ETF1: variants seen among roughly 807,000 people sequenced by gnomAD.
ETF1 encodes the protein eukaryotic translation termination factor 1.
In ETF1, 4 loss-of-function variants were observed where a neutral mutation model predicts 55.1. The ratio of observed to expected loss-of-function variants is 0.07; its 90% CI spans 0.04 to 0.17. ETF1 has a LOEUF of 0.17. Among genes scored for constraint, ETF1 ranks in the 10% least tolerant of loss-of-function variants. The probability of loss-of-function intolerance (pLI) is 1.00; values close to 1 mark genes in which losing one functional copy is unlikely to be tolerated. For synonymous variants in ETF1, 157 were observed against 182.3 expected (o/e 0.86, Z 1.12); for missense variants, 142 against 523.6 (o/e 0.27, Z 7.11).
Position 138,508,394 on chromosome 5 carries a change from A to G in ETF1, c.1232-7T>C. On this transcript the variant is annotated splice_region_variant and splice_polypyrimidine_tract_variant and intron_variant, in intron 10 of 10. Transcript: ENST00000360541. The stretch of plus-strand genomic sequence containing the variant: ...ACTCGGTACCGCAAGATACCTGGGG[A>G]AACAAACCAAAAGGTAAATTACCTG... The G allele has an allele frequency of 6.2e-7, 1 of 1,613,652 alleles. No homozygotes were observed. Among genetic ancestry groups the G allele is most frequent in the Non-Finnish European group, 8.5e-7 (1 of 1,179,792 alleles).
At chr5:138,512,713 A>G in intron 6 of ETF1, 51 bp downstream of exon 6, 1 of 1,498,846 alleles carries the variant, frequency 6.7e-7, no homozygotes, top group Non-Finnish European at 8.9e-7. Context: ...CAGAGGACTC[A>G]CCTACTCCTA....
chr5:138,542,761 C>A lies in ETF1; in HGVS notation c.86+72G>T. ...GCCTGGTTCTCCTCATCCGGCCATGCGGCGCGGGGGCGTCCATCCTGAGGG... is the reference window on the plus strand; with the variant it reads ...GCCTGGTTCTCCTCATCCGGCCATGAGGCGCGGGGGCGTCCATCCTGAGGG... On this transcript the variant is annotated intron_variant, in intron 2 of 10. Coordinates refer to ENST00000360541, the MANE Select transcript of ETF1 (RefSeq NM_004730.4). The A allele has an allele frequency of 5.1e-6, 8 of 1,579,530 alleles. No individual in the cohort carries two copies. The South Asian group carries it at 9.1e-5, about 18-fold the overall frequency.
intron 2 of ETF1, among the ~76,000 whole-genome samples, chr5:138,532,058 TA>T (rs1261911775): frequency 4.1e-4 from 5 of 12,226 alleles, no homozygotes; most frequent in African/African-American, 8.1e-4. Context: ...AAAAATAAAA[TA>T]AAATAAATAA....
intron 2 of ETF1, among the ~76,000 whole-genome samples, chr5:138,539,798 A>C (rs1766099736): frequency 1.3e-5 from 2 of 152,208 alleles, no homozygotes; most frequent in South Asian, 4.1e-4. Context: ...ATTTTAAGGA[A>C]ATCTAGTTTT....
intron 2 of ETF1, among the ~76,000 whole-genome samples, chr5:138,537,404 C>A (rs1765981753): frequency 6.6e-6 from 1 of 152,126 alleles, no homozygotes; most frequent in Non-Finnish European, 1.5e-5. Context: ...AGTATTTTAA[C>A]CCATATTATC....
At chr5:138,539,918 C>G (rs571322920) in intron 2 of ETF1, among the ~76,000 whole-genome samples, 1 of 152,274 alleles carries the variant, frequency 6.6e-6, no homozygotes, top group Non-Finnish European at 1.5e-5. Flanking sequence ...GCCTCAGGTG[C>G]CTTGTCTACC....
rs531764562 is a variant in ETF1 at position 138,518,545 on chromosome 5, A to G, written c.262+147T>C. The G allele has an allele frequency of 1.1e-3, 717 of 680,026 alleles. 5 individuals carry two copies. The highest frequency in any genetic ancestry group is 5.1e-4 in the Non-Finnish European group (209 of 406,904). 42.1% of individuals were successfully genotyped at this position (680,026 alleles called of 1,614,324 possible). On this transcript the variant is annotated intron_variant, in intron 3 of 10. Coordinates refer to ENST00000360541, the MANE Select transcript of ETF1 (RefSeq NM_004730.4). ...CTTTCAATAAACAAAAAACAAAACA[A>G]AACAAAAAAGCTAACCACCAAGGCC...
intron 5 of ETF1, 76 bp downstream of exon 5, chr5:138,513,492 C>T (rs1001631892): frequency 1.5e-6 from 2 of 1,300,726 alleles, no homozygotes; most frequent in Admixed American, 1.7e-5. Flanking sequence ...GCGTGAGCCA[C>T]CGCACCCGGC....
At chr5:138,519,935 G>A (rs916115515) in intron 2 of ETF1, among the ~76,000 whole-genome samples, 2 of 149,792 alleles carry the variant, frequency 1.3e-5, no homozygotes, top group Admixed American at 6.7e-5. Flanking sequence ...GATTAATGAT[G>A]TTGAGCATTT....
chr5:138,535,788 T>A (rs1176901596), intron 2 of ETF1, among the ~76,000 whole-genome samples: 2 of 137,866 alleles, frequency 1.5e-5, no homozygotes, highest in African/African-American at 5.5e-5. Flanking sequence ...CTCGGGAGGC[T>A]GAGCTGAACC....
At chr5:138,511,945 C>T in intron 6 of ETF1, 1 of 957,820 alleles carries the variant, frequency 1.0e-6, no homozygotes, top group Non-Finnish European at 1.2e-6. Flanking sequence ...CACCTATAAT[C>T]CCAGCACTTT....
At position 138,508,145 on chromosome 5, in the gene ETF1, G is replaced by A; in HGVS notation, c.*160C>T. The A allele has an allele frequency of 1.1e-6, 1 of 928,356 alleles. No homozygotes were observed. Among genetic ancestry groups the A allele is most frequent in the Admixed American group, 3.2e-5 (1 of 31,154 alleles). 57.5% of individuals were successfully genotyped at this position (928,356 alleles called of 1,614,324 possible). Reference sequence around the variant, plus strand: ...AAACCAAAGTGTAGGGCTGGGTCTGGTTTTGTTTCGGTTTTCTTTTCAATA... The same window carrying A: ...AAACCAAAGTGTAGGGCTGGGTCTGATTTTGTTTCGGTTTTCTTTTCAATA... On this transcript the variant is annotated 3_prime_UTR_variant, in exon 11 of 11. Transcript: ENST00000360541.
intron 2 of ETF1, among the ~76,000 whole-genome samples, chr5:138,531,969 C>A (rs1354017096): frequency 6.6e-6 from 1 of 152,106 alleles, no homozygotes; most frequent in East Asian, 1.9e-4. Context: ...ATGGTGTGAA[C>A]CGGGAGGCGG....
intron 2 of ETF1, among the ~76,000 whole-genome samples, chr5:138,531,786 C>A (rs1468929169): frequency 6.6e-6 from 1 of 152,216 alleles, no homozygotes; most frequent in Non-Finnish European, 1.5e-5. Context: ...GTGGTTCACA[C>A]CTGTAATCCC....
intron 6 of ETF1, among the ~76,000 whole-genome samples, chr5:138,512,258 A>ATTTTTTTT (rs58936942): frequency 2.0e-4 from 4 of 20,006 alleles, no homozygotes; most frequent in Non-Finnish European, 3.4e-4. Context: ...ATATATATAT[A>ATTTTTTTT]TTTTTTTTTT....
rs770871708 is a variant in ETF1, at chr5:138,513,628, G to T, written c.481C>A (p.Leu161Ile). The T allele has an allele frequency of 4.3e-6, 7 of 1,611,296 alleles. No individual in the cohort carries two copies. Among genetic ancestry groups the T allele is most frequent in the Non-Finnish European group, 5.9e-6 (7 of 1,177,670 alleles). ...IDGSGALFGTLQGNTREVLHK... is the reference protein window; with the variant it reads ...IDGSGALFGTIQGNTREVLHK... ...AGGACTTCTCTTGTGTTTCCTTGGA[G>T]TGTGCCAAAAAGTGCACCACTACCA... The change falls in exon 5 of 11, where the codon CTC (leucine) becomes ATC (isoleucine). Residue 161 changes from leucine to isoleucine, a missense_variant. By Grantham distance (5) the Leu-to-Ile change is conservative. Transcript: ENST00000360541.
rs1184998021 is a variant in ETF1 at position 138,543,184 on chromosome 5, C to T, written c.-106G>A. On this transcript the variant is annotated 5_prime_UTR_variant, in exon 1 of 11. Transcript: ENST00000360541. The stretch of plus-strand genomic sequence containing the variant: ...CGGCTCTGACGTAGGACACCGGCTC[C>T]CTCTCTCCAGGCAGCTGCATGTGTT... The T allele has an allele frequency of 3.9e-5, 22 of 563,518 alleles. No individual in the cohort carries two copies. The Admixed American group carries it at 6.5e-4, about 17-fold the overall frequency. The allele number at this position is 563,518 out of a possible 1,614,324, so 34.9% of individuals were successfully genotyped here.
At chr5:138,523,675 ATT>A (rs1765333215) in intron 2 of ETF1, among the ~76,000 whole-genome samples, 1 of 152,192 alleles carries the variant, frequency 6.6e-6, no homozygotes. Flanking sequence ...GGGTACAGGG[ATT>A]TTTAGGTTGA....
intron 2 of ETF1, among the ~76,000 whole-genome samples, chr5:138,536,467 C>G (rs1765936520): frequency 6.6e-6 from 1 of 152,080 alleles, no homozygotes; most frequent in South Asian, 2.1e-4. Flanking sequence ...AGGACAGTAC[C>G]CAGTGAGAAA....
Sources: allele counts gnomAD v4.1 joint callset (sites outside exome capture counted in the v4.1 genomes callset), GRCh38; gene constraint gnomAD v4.1.1; transcripts MANE v1.5; gene names NCBI Gene and HGNC (gene_info 2026-07-23, HGNC 2026-07-21).